ADORA1: variants seen among roughly 807,000 people sequenced by gnomAD.
ADORA1 encodes the protein adenosine A1 receptor.
A neutral mutation model predicts 19.9 loss-of-function variants in ADORA1; 6 were observed. The ratio of observed to expected loss-of-function variants is 0.30; its 90% CI spans 0.17 to 0.59. The LOEUF is 0.59. Ranked by LOEUF, ADORA1 falls within the 20% of genes least tolerant of loss-of-function variation. The probability of loss-of-function intolerance (pLI) is 0.87; values close to 1 mark genes in which losing one functional copy is unlikely to be tolerated. For synonymous variants in ADORA1, 194 were observed against 188.4 expected, an observed-to-expected ratio of 1.03 and a Z score of -0.24; for missense variants, 302 against 439.2, an observed-to-expected ratio of 0.69 and a Z score of 2.79.
chr1:203,160,771 A>T (rs1209018561), intron 3 of ADORA1, among the ~76,000 whole-genome samples: 1 of 152,238 alleles, frequency 6.6e-6, no homozygotes, highest in African/African-American at 2.4e-5. Flanking sequence ...TGATTGTGCC[A>T]CTGCACTCCA....
intron 3 of ADORA1, among the ~76,000 whole-genome samples, chr1:203,157,470 T>C (rs1386190785): frequency 6.6e-5 from 10 of 152,262 alleles, no homozygotes; most frequent in Non-Finnish European, 1.2e-4. Context: ...CTCTCGTGGA[T>C]TGGAGTCTCA....
At position 203,162,095 on chromosome 1, in the gene ADORA1, C is replaced by G. The variant is rs113380098; in HGVS notation, c.342-3166C>G. Among the ~76,000 whole-genome samples the G allele has an allele frequency of 1.2e-4, 18 of 152,306 alleles. 1 individual carries two copies. Among genetic ancestry groups the G allele is most frequent in the African/African-American group, 4.1e-4 (17 of 41,566 alleles). On this transcript the variant is annotated intron_variant, in intron 3 of 3. Coordinates refer to ENST00000337894, the MANE Select transcript of ADORA1 (RefSeq NM_000674.3). Reference sequence around the variant, plus strand: ...AGAGTCAGAGGCACCTTCCACACACCCTTACCCCATGCGTGCCCCAGGACT... The same window carrying G: ...AGAGTCAGAGGCACCTTCCACACACGCTTACCCCATGCGTGCCCCAGGACT...
chr1:203,149,901 C>T (rs1205173611), intron 3 of ADORA1: 1 of 151,732 alleles, frequency 6.6e-6, no homozygotes, highest in African/African-American at 2.4e-5. Flanking sequence ...TTTTCTGCCT[C>T]TCTGGTTTTA....
At position 203,128,339 on chromosome 1, in the gene ADORA1, G is replaced by A. The variant is rs1355036503; in HGVS notation, c.-151G>A. On this transcript the variant is annotated 5_prime_UTR_variant, in exon 2 of 4. Transcript: ENST00000337894. The surrounding 1 kb of genome is among the most constrained non-coding windows in gnomAD (Gnocchi z 5.9). The stretch of plus-strand genomic sequence containing the variant: ...TATGAGCTGCCGCGCGTTGTCCAGA[G>A]CCCAGCCCAGCCCTACCGCGCGCGG... The A allele has an allele frequency of 7.8e-7, 1 of 1,289,526 alleles. No homozygotes were observed. Among genetic ancestry groups the A allele is most frequent in the Admixed American group, 2.3e-5 (1 of 43,530 alleles). 79.9% of individuals were successfully genotyped at this position (1,289,526 alleles called of 1,614,324 possible). A position where few individuals can be genotyped will look rare whatever the true frequency, so the allele number is the denominator to read the frequency against.
Position 203,128,713 on chromosome 1 carries a change from G to A in ADORA1, c.-57-72G>A. The stretch of plus-strand genomic sequence containing the variant: ...TGGGACACATCACAGGGTACCTGGA[G>A]TTCCAGGGCAGCCTGAGCTCCCTGC... On this transcript the variant is annotated intron_variant, in intron 2 of 3. Transcript: ENST00000337894. The surrounding 1 kb of genome is among the most constrained non-coding windows in gnomAD (Gnocchi z 5.9). The A allele has an allele frequency of 6.7e-7, 1 of 1,482,366 alleles. No homozygotes were observed. The highest frequency in any genetic ancestry group is 2.3e-5 in the East Asian group (1 of 43,436). 91.8% of individuals were successfully genotyped at this position (1,482,366 alleles called of 1,614,324 possible). A position where few individuals can be genotyped will look rare whatever the true frequency, so the allele number is the denominator to read the frequency against.
intron 3 of ADORA1, among the ~76,000 whole-genome samples, chr1:203,144,387 G>A (rs540120478): frequency 6.6e-6 from 1 of 152,270 alleles, no homozygotes; most frequent in East Asian, 1.9e-4. Context: ...TAGTAGTGAC[G>A]CTTGTGTGCT....
chr1:203,147,067 A>C (rs936334076), intron 3 of ADORA1, among the ~76,000 whole-genome samples: 2 of 152,180 alleles, frequency 1.3e-5, no homozygotes, highest in Non-Finnish European at 2.9e-5. Context: ...TCTCAGCTTA[A>C]ACACTAACCA....
rs187446990 is a variant in ADORA1, at chr1:203,128,101, G to A, written c.-213+173G>A. 7.5e-3 allele frequency: 2,350 copies of A among 315,180 alleles called. 22 individuals are homozygous for A. Among genetic ancestry groups the A allele is most frequent in the Non-Finnish European group, 0.012 (1,863 of 157,770 alleles). 19.5% of individuals were successfully genotyped at this position (315,180 alleles called of 1,614,324 possible). On this transcript the variant is annotated intron_variant, in intron 1 of 3. Transcript: ENST00000337894. The surrounding 1 kb of genome is among the most constrained non-coding windows in gnomAD (Gnocchi z 5.9). ...CAGGCACCAGACGGGTCTCAAGTGG[G>A]TGGGCGCAGGGCAGGTGCGGGCACG...
chr1:203,145,838 C>T (rs368396399), intron 3 of ADORA1, among the ~76,000 whole-genome samples: 3 of 151,792 alleles, frequency 2.0e-5, no homozygotes, highest in Admixed American at 2.0e-4. Flanking sequence ...GTCTCTGTTG[C>T]GGTTGGGGTG....
intron 3 of ADORA1, among the ~76,000 whole-genome samples, chr1:203,154,337 T>C (rs1356491886): frequency 6.6e-6 from 1 of 152,184 alleles, no homozygotes; most frequent in Non-Finnish European, 1.5e-5. Context: ...TGATGCAGCT[T>C]TACTCTTGAA....
rs796395239 is a variant in ADORA1 at position 203,165,907 on chromosome 1, C to T, written c.*7C>T. 1 of 1,542,284 alleles carries T rather than the reference C, an allele frequency of 6.5e-7. No homozygotes were observed. ...AGAGAGGCCTGATGACTAGACCCCG[C>T]CTTCCGCTCCCACCAGCCCACATCC... On this transcript the variant is annotated 3_prime_UTR_variant, in exon 4 of 4. Coordinates refer to ENST00000337894, the MANE Select transcript of ADORA1 (RefSeq NM_000674.3). The surrounding 1 kb of genome is among the most constrained non-coding windows in gnomAD (Gnocchi z 5.9).
At chr1:203,152,206 G>A (rs1382656400) in intron 3 of ADORA1, among the ~76,000 whole-genome samples, 1 of 152,224 alleles carries the variant, frequency 6.6e-6, no homozygotes, top group African/African-American at 2.4e-5. Flanking sequence ...GGACCAGAAT[G>A]GGGGTCTCCC....
In ADORA1 at chr1:203,165,393, C is replaced by T. The variant is rs1344817698; in HGVS notation, c.474C>T (p.Ala158=). ...GTGCGGTGGAGCGGGCCTGGGCAGCCAACGGCAGCATGGGGGAGCCCGTGA... is the reference window on the plus strand; with the variant it reads ...GTGCGGTGGAGCGGGCCTGGGCAGCTAACGGCAGCATGGGGGAGCCCGTGA... ...NLSAVERAWA[A]NGSMGEPVIK... is the part of the protein sequence containing the mutation. The change falls in exon 4 of 4, where the codon GCC becomes GCT. Residue 158 remains alanine, a synonymous_variant. Coordinates refer to ENST00000337894, the MANE Select transcript of ADORA1 (RefSeq NM_000674.3). This position sits in a 1 kb window ranked among gnomAD's most constrained non-coding sequence, Gnocchi z 5.9. The T allele has an allele frequency of 3.1e-6, 5 of 1,608,648 alleles. No individual in the cohort carries two copies. The highest frequency in any genetic ancestry group is 3.4e-6 in the Non-Finnish European group (4 of 1,177,294).
At position 203,165,618 on chromosome 1, in the gene ADORA1, C is replaced by T. The variant is rs1175434381; in HGVS notation, c.699C>T (p.Ala233=). ...ACTATGGGAAGGAGCTGAAGATCGC[C>T]AAGTCGCTGGCCCTCATCCTCTTCC... ...QKYYGKELKI[A]KSLALILFLF... Residue 233 remains alanine, a synonymous_variant, in exon 4 of 4, where the codon GCC becomes GCT. Transcript: ENST00000337894. This position sits in a 1 kb window ranked among gnomAD's most constrained non-coding sequence, Gnocchi z 5.9. The T allele has an allele frequency of 1.9e-6, 3 of 1,613,178 alleles. No individual in the cohort carries two copies. The South Asian group carries it at 3.3e-5, about 18-fold the overall frequency.
chr1:203,158,838 G>A (rs1238200962), intron 3 of ADORA1, among the ~76,000 whole-genome samples: 1 of 152,132 alleles, frequency 6.6e-6, no homozygotes, highest in African/African-American at 2.4e-5. Context: ...AGGGTGGAAG[G>A]ACAAAGAGCA....
At chr1:203,151,603 C>T (rs980674539) in intron 3 of ADORA1, among the ~76,000 whole-genome samples, 1 of 152,134 alleles carries the variant, frequency 6.6e-6, no homozygotes, top group South Asian at 2.1e-4. Flanking sequence ...CATTGAGTGC[C>T]CAGATAAGTT....
rs1197727764 is a variant in ADORA1 at position 203,165,478 on chromosome 1, G to A, written c.559G>A (p.Val187Met). ...MEYMVYFNFFVWVLPPLLLMV... is the reference protein window; with the variant it reads ...MEYMVYFNFFMWVLPPLLLMV... Reference sequence around the variant, plus strand: ...GTACATGGTCTACTTCAACTTCTTTGTGTGGGTGCTGCCCCCGCTTCTCCT... The same window carrying A: ...GTACATGGTCTACTTCAACTTCTTTATGTGGGTGCTGCCCCCGCTTCTCCT... Residue 187 changes from valine to methionine, a missense_variant, in exon 4 of 4, where the codon GTG becomes ATG. Physicochemically the swap from Val to Met is conservative, Grantham distance 21 (BLOSUM62 1). Transcript: ENST00000337894. This position sits in a 1 kb window ranked among gnomAD's most constrained non-coding sequence, Gnocchi z 5.9. 2 of 1,613,368 alleles carry A rather than the reference G, an allele frequency of 1.2e-6. No individual in the cohort carries two copies. Among genetic ancestry groups the A allele is most frequent in the East Asian group, 2.2e-5 (1 of 44,870 alleles).
chr1:203,157,970 C>G (rs1483547564), intron 3 of ADORA1, among the ~76,000 whole-genome samples: 1 of 152,234 alleles, frequency 6.6e-6, no homozygotes. Context: ...TGTAGTCATT[C>G]TCCCATCATC....
At chr1:203,132,292 A>G (rs569501590) in intron 3 of ADORA1, among the ~76,000 whole-genome samples, 79 of 152,002 alleles carry the variant, frequency 5.2e-4, no homozygotes, top group Non-Finnish European at 9.3e-4. Context: ...CTTGGTGGCA[A>G]TTTGGTGCCT....
Sources: allele counts gnomAD v4.1 joint callset (sites outside exome capture counted in the v4.1 genomes callset), GRCh38; gene constraint gnomAD v4.1.1; non-coding constraint Gnocchi (gnomAD v3.1); transcripts MANE v1.5; gene names NCBI Gene and HGNC (gene_info 2026-07-23, HGNC 2026-07-21).